KDM4D: variants seen among roughly 807,000 people sequenced by gnomAD.
The protein encoded by KDM4D is lysine demethylase 4D, also known as lysine-specific demethylase 4D.
For synonymous variants in KDM4D, 254 were observed against 249.1 expected, an observed-to-expected ratio of 1.02 and a Z score of -0.19; for missense variants, 427 against 674.8, an observed-to-expected ratio of 0.63 and a Z score of 4.07.
chr11:94,999,162 T>G lies in KDM4D; in HGVS notation c.*218T>G, dbSNP rs1348750927. On this transcript the variant is annotated 3_prime_UTR_variant, in exon 3 of 3. Coordinates refer to ENST00000335080, the MANE Select transcript of KDM4D (RefSeq NM_018039.3). ...CCGGACCCTGGAATGTCTTTGGATA[T>G]TGCTAAAATCTATTTCTGCAGCTGA... The G allele has an allele frequency of 1.4e-5, 6 of 421,194 alleles. No homozygotes were observed. Among genetic ancestry groups the G allele is most frequent in the Non-Finnish European group, 2.2e-5 (5 of 230,896 alleles). The allele number at this position is 421,194 out of a possible 1,614,324, so 26.1% of individuals were successfully genotyped here.
chr11:94,984,521 G>C (rs1171779020), intron 2 of KDM4D, among the ~76,000 whole-genome samples: 1 of 151,326 alleles, frequency 6.6e-6, no homozygotes, highest in Admixed American at 6.6e-5. Flanking sequence ...AATAAAAATT[G>C]TAGAAAATGG....
chr11:94,984,959 C>G (rs1857872529), intron 2 of KDM4D, among the ~76,000 whole-genome samples: 1 of 152,086 alleles, frequency 6.6e-6, no homozygotes, highest in African/African-American at 2.4e-5. Flanking sequence ...TGCTTATAGG[C>G]AGGGGGAGAG....
At chr11:94,987,148 G>C (rs1437093594) in intron 2 of KDM4D, among the ~76,000 whole-genome samples, 1 of 152,174 alleles carries the variant, frequency 6.6e-6, no homozygotes, top group Non-Finnish European at 1.5e-5. Flanking sequence ...GTTGCCTGGA[G>C]TTGGGGGTGG....
chr11:94,990,409 A>C (rs1262466790), intron 2 of KDM4D, among the ~76,000 whole-genome samples: 1 of 152,216 alleles, frequency 6.6e-6, no homozygotes, highest in Non-Finnish European at 1.5e-5. Context: ...GGAAGAGATA[A>C]GTGAAGCAAG....
chr11:94,993,961 A>G (rs1252323320), intron 2 of KDM4D, among the ~76,000 whole-genome samples: 5 of 152,288 alleles, frequency 3.3e-5, no homozygotes, highest in Admixed American at 2.6e-4. Flanking sequence ...AAAAATTGGG[A>G]TGAGATTGGG....
intron 2 of KDM4D, among the ~76,000 whole-genome samples, chr11:94,994,589 C>T (rs587666181): frequency 6.6e-6 from 1 of 152,098 alleles, no homozygotes; most frequent in South Asian, 2.1e-4. Context: ...AGTATCAGTG[C>T]CCTGGAGGTT....
rs782229953 is a variant in KDM4D at position 94,998,280 on chromosome 11, A to G, written c.908A>G (p.Tyr303Cys). ...TTTGCCACTCCGCGATGGATTGATT[A>G]TGGCAAAATGGCCTCCCAGTGTAGC... The part of the protein sequence containing the change: ...INFATPRWID[Y>C]GKMASQCSCG... The change falls in exon 3 of 3, where the codon TAT (tyrosine) becomes TGT (cysteine). Residue 303 changes from tyrosine to cysteine, a missense_variant. Coordinates refer to ENST00000335080, the MANE Select transcript of KDM4D (RefSeq NM_018039.3). The surrounding 1 kb of genome is among the most constrained non-coding windows in gnomAD (Gnocchi z 6.7). The G allele has an allele frequency of 2.5e-6, 4 of 1,614,204 alleles. No homozygotes were observed. Among genetic ancestry groups the G allele is most frequent in the South Asian group, 1.1e-5 (1 of 91,086 alleles).
Position 94,998,799 on chromosome 11 carries a change from T to A in KDM4D, c.1427T>A (p.Leu476Ter). The stretch of plus-strand genomic sequence containing the variant: ...CAGACTCCAGCCAAGAGGCCCCTCT[T>A]GGCGGGCACAACATGCACAGCTTCG... ...TLQTPAKRPL[L>*]AGTTCTASGP... Residue 476 changes from leucine (L) to a stop codon, truncating the protein, a stop_gained, in exon 3 of 3, where the codon TTG (leucine) becomes TAG (stop). Transcript: ENST00000335080. LOFTEE classifies it low-confidence loss of function (END_TRUNC). This position sits in a 1 kb window ranked among gnomAD's most constrained non-coding sequence, Gnocchi z 6.7. The A allele has an allele frequency of 1.2e-6, 2 of 1,606,256 alleles. No individual in the cohort carries two copies. The highest frequency in any genetic ancestry group is 1.7e-6 in the Non-Finnish European group (2 of 1,174,792).
At chr11:94,992,731 C>T (rs183944604) in intron 2 of KDM4D, among the ~76,000 whole-genome samples, 14 of 152,058 alleles carry the variant, frequency 9.2e-5, no homozygotes, top group African/African-American at 2.7e-4. Flanking sequence ...TACTGAAATA[C>T]GGACTACATA....
chr11:94,973,917 CTG>C lies in KDM4D; in HGVS notation c.-594_-593del, dbSNP rs1401360698. ...GAGCGTGGAAAAGGATTACACCAAACTGTTTAAATCCAACGACTCCTGCTTCC... is the reference window on the plus strand; with the variant it reads ...GAGCGTGGAAAAGGATTACACCAAACTTTAAATCCAACGACTCCTGCTTCC... On this transcript the variant is annotated 5_prime_UTR_variant, in exon 1 of 3. It removes the in-frame stop codon of an upstream open reading frame in the 5' UTR. Transcript: ENST00000335080. The C allele has an allele frequency of 6.6e-6, 1 of 152,264 alleles. No homozygotes were observed. Among genetic ancestry groups the C allele is most frequent in the Non-Finnish European group, 1.5e-5 (1 of 68,050 alleles). 9.4% of individuals were successfully genotyped at this position (152,264 alleles called of 1,614,324 possible).
chr11:94,999,172 C>CT lies in KDM4D; in HGVS notation c.*229dup, dbSNP rs1232448764. 4 of 399,436 alleles carry CT rather than the reference C, an allele frequency of 1.0e-5. No homozygotes were observed. Among genetic ancestry groups the CT allele is most frequent in the African/African-American group, 8.2e-5 (4 of 48,580 alleles). The allele number at this position is 399,436 out of a possible 1,614,324, so 24.7% of individuals were successfully genotyped here. Reference sequence around the variant, plus strand: ...GAATGTCTTTGGATATTGCTAAAATCTATTTCTGCAGCTGAGGTTTTATCC... The same window carrying CT: ...GAATGTCTTTGGATATTGCTAAAATCTTATTTCTGCAGCTGAGGTTTTATCC... On this transcript the variant is annotated 3_prime_UTR_variant, in exon 3 of 3. Coordinates refer to ENST00000335080, the MANE Select transcript of KDM4D (RefSeq NM_018039.3).
Position 94,998,663 on chromosome 11 carries a change from T to TCAA in KDM4D, c.1293_1295dup (p.Thr432dup). ...TGTCCACAGCTCTAAGAAGCCCAGC[T>TCAA]CAACTCCATCATCCACCCCTGGTCC... On this transcript the variant is annotated inframe_insertion, in exon 3 of 3. Transcript: ENST00000335080. The surrounding 1 kb of genome is among the most constrained non-coding windows in gnomAD (Gnocchi z 6.7). 3 of 1,614,180 alleles carry TCAA rather than the reference T, an allele frequency of 1.9e-6. No individual in the cohort carries two copies. Among genetic ancestry groups the TCAA allele is most frequent in the Non-Finnish European group, 2.5e-6 (3 of 1,180,028 alleles).
At position 94,998,129 on chromosome 11, in the gene KDM4D, G is replaced by C; in HGVS notation, c.757G>C (p.Val253Leu). The stretch of plus-strand genomic sequence containing the variant: ...CAAGGTGGCCCTCATCTCGCCTACA[G>C]TTCTCAAGGAAAATGGGATTCCCTT... ...RHKVALISPT[V>L]LKENGIPFNR... is the part of the protein sequence containing the mutation. Residue 253 changes from valine (V) to leucine (L), a missense_variant, in exon 3 of 3, where the codon GTT (valine) becomes CTT (leucine). Val to Leu is a conservative substitution (Grantham distance 32). Transcript: ENST00000335080. The surrounding 1 kb of genome is among the most constrained non-coding windows in gnomAD (Gnocchi z 6.7). 1 of 1,614,170 alleles carries C rather than the reference G, an allele frequency of 6.2e-7. No individual in the cohort carries two copies. Among genetic ancestry groups the C allele is most frequent in the Non-Finnish European group, 8.5e-7 (1 of 1,180,042 alleles).
chr11:94,984,874 A>T (rs1261632542), intron 2 of KDM4D, among the ~76,000 whole-genome samples: 1 of 152,058 alleles, frequency 6.6e-6, no homozygotes, highest in Non-Finnish European at 1.5e-5. Context: ...CTCAAAAAAA[A>T]AATAGCAGAT....
intron 2 of KDM4D, among the ~76,000 whole-genome samples, chr11:94,994,102 A>C (rs4753158): frequency 2.0e-5 from 3 of 152,038 alleles, no homozygotes; most frequent in East Asian, 3.9e-4. Flanking sequence ...GATAAAGAGA[A>C]CACACCCTGG....
rs1285638031 is a variant in KDM4D, at chr11:94,973,888, G to A, written c.-625G>A. ...CCGACACCACGTCCCCGGCTAGCGG[G>A]AGAGAGCGTGGAAAAGGATTACACC... On this transcript the variant is annotated 5_prime_UTR_variant, in exon 1 of 3. Transcript: ENST00000335080. 6.6e-6 allele frequency: 1 copy of A among 152,306 alleles called. No homozygotes were observed. Among genetic ancestry groups the A allele is most frequent in the African/African-American group, 2.4e-5 (1 of 41,484 alleles). The allele number at this position is 152,306 out of a possible 1,614,324, so 9.4% of individuals were successfully genotyped here.
At chr11:94,996,689 A>G (rs990097641) in intron 2 of KDM4D, among the ~76,000 whole-genome samples, 10 of 152,308 alleles carry the variant, frequency 6.6e-5, no homozygotes, top group South Asian at 2.1e-4. Flanking sequence ...ACCAGAAACA[A>G]TGTTGTTATG....
intron 1 of KDM4D, 107 bp from the exon 2 acceptor site, chr11:94,975,547 A>G (rs1398729373): frequency 3.9e-5 from 6 of 152,126 alleles, no homozygotes; most frequent in African/African-American, 1.4e-4. Context: ...TAATACTTGT[A>G]AAGTGCTTAG....
rs370480714 is a variant in KDM4D, at chr11:94,998,147, A to G, written c.775A>G (p.Ile259Val). 6.2e-7 allele frequency: 1 copy of G among 1,614,016 alleles called. No homozygotes were observed. The highest frequency in any genetic ancestry group is 1.3e-5 in the African/African-American group (1 of 74,918). The change falls in exon 3 of 3, where the codon ATT (isoleucine) becomes GTT (valine). Residue 259 changes from isoleucine (I) to valine (V), a missense_variant. Transcript: ENST00000335080. This position sits in a 1 kb window ranked among gnomAD's most constrained non-coding sequence, Gnocchi z 6.7. ...GCCTACAGTTCTCAAGGAAAATGGGATTCCCTTCAATCGCATAACTCAGGA... is the reference window on the plus strand; with the variant it reads ...GCCTACAGTTCTCAAGGAAAATGGGGTTCCCTTCAATCGCATAACTCAGGA... The part of the protein sequence containing the change: ...ISPTVLKENG[I>V]PFNRITQEAG...
Sources: allele counts gnomAD v4.1 joint callset (sites outside exome capture counted in the v4.1 genomes callset), GRCh38; gene constraint gnomAD v4.1.1; non-coding constraint Gnocchi (gnomAD v3.1); transcripts MANE v1.5; gene names NCBI Gene and HGNC (gene_info 2026-07-23, HGNC 2026-07-21).